Variants in DSE observed in about 807,000 individuals in gnomAD.
The protein encoded by DSE is dermatan sulfate epimerase.
In DSE, 36 loss-of-function variants were observed where a neutral mutation model predicts 84.4. That is an observed-to-expected ratio of 0.43 (90% CI 0.33 to 0.56). The LOEUF (loss-of-function observed/expected upper bound fraction) is 0.56, where lower values mean the gene tolerates loss of function less well. Ranked by LOEUF, DSE falls within the 20% of genes least tolerant of loss-of-function variation. DSE has a pLI of 0.06. For missense variants in DSE, 862 were observed against 1,169.6 expected (o/e 0.74, Z 3.84); for synonymous variants, 410 against 430.1 (o/e 0.95, Z 0.58).
chr6:116,278,949 C>T (rs765420700), intron 2 of DSE: 3 of 1,614,096 alleles, frequency 1.9e-6, no homozygotes, highest in South Asian at 2.2e-5. Context: ...CATCTTGGCC[C>T]CTAATCATGG....
intron 2 of DSE, among the ~76,000 whole-genome samples, chr6:116,339,955 T>C (rs1259932358): frequency 6.6e-6 from 1 of 152,216 alleles, no homozygotes; most frequent in African/African-American, 2.4e-5. Flanking sequence ...GGAATTTCTA[T>C]ATGCGAGTGT....
Position 116,273,691 on chromosome 6 carries a change from A to AC in DSE, c.-54+14730dup, listed in dbSNP as rs1250072415. 2.0e-5 allele frequency among the ~76,000 whole-genome samples: 3 copies of AC among 152,116 alleles called. No homozygotes were observed. In the South Asian group the frequency reaches 6.2e-4, roughly 32 times the overall value. On this transcript the variant is annotated intron_variant, in intron 2 of 3. Transcript: ENST00000430252. ...AAAAAGGAAACATTCAAGGAACGGT[A>AC]CCCCCCTCAATGAGCCTGAGTTCCT...
At chr6:116,393,220 ATTCTT>A (rs1781026210) in intron 1 of DSE, among the ~76,000 whole-genome samples, 1 of 152,218 alleles carries the variant, frequency 6.6e-6, no homozygotes. Flanking sequence ...TTAATCTATT[ATTCTT>A]TTCTTTGGGG....
intron 2 of DSE, chr6:116,423,284 A>G (rs1051604299): frequency 1.3e-5 from 2 of 152,232 alleles, no homozygotes; most frequent in African/African-American, 2.4e-5. Flanking sequence ...TTACTGTAAA[A>G]AATTGCTGTC....
At chr6:116,269,206 C>T (rs1772768848) in intron 2 of DSE, among the ~76,000 whole-genome samples, 1 of 152,062 alleles carries the variant, frequency 6.6e-6, no homozygotes, top group African/African-American at 2.4e-5. Flanking sequence ...TTAATTTAGG[C>T]AAGTCACTTC....
At chr6:116,380,992 C>G (rs1310357850) in intron 1 of DSE, among the ~76,000 whole-genome samples, 2 of 152,212 alleles carry the variant, frequency 1.3e-5, no homozygotes, top group African/African-American at 4.8e-5. Flanking sequence ...TTCAGTTGTA[C>G]TTTGTCATTC....
At chr6:116,407,818 A>AT (rs1353065855) in intron 2 of DSE, among the ~76,000 whole-genome samples, 11 of 152,140 alleles carry the variant, frequency 7.2e-5, no homozygotes, top group Admixed American at 6.5e-4. Context: ...GATTTTTTAC[A>AT]TTTTTTTCTA....
intron 2 of DSE, among the ~76,000 whole-genome samples, chr6:116,263,895 A>T (rs4946148): frequency 0.28 from 42,685 of 151,836 alleles, 7,188 homozygotes; most frequent in East Asian, 0.67. Context: ...TGGGTGGAAA[A>T]TTCTTTTAAG....
At chr6:116,385,076 G>A (rs187959168) in intron 1 of DSE, among the ~76,000 whole-genome samples, 35 of 152,256 alleles carry the variant, frequency 2.3e-4, no homozygotes, top group Middle Eastern at 3.4e-3. Context: ...TAGGCATTTG[G>A]GGCAGAGGGA....
chr6:116,313,459 G>A (rs141998805), intron 2 of DSE, among the ~76,000 whole-genome samples: 58 of 152,270 alleles, frequency 3.8e-4, no homozygotes, highest in African/African-American at 1.3e-3. Flanking sequence ...TGGAACATTT[G>A]GTAAATTTGA....
intron 1 of DSE, among the ~76,000 whole-genome samples, chr6:116,396,656 A>G (rs761905547): frequency 6.6e-5 from 10 of 152,238 alleles, no homozygotes; most frequent in African/African-American, 2.4e-4. Context: ...ATGAGGTTCT[A>G]TGCTTCAGGA....
chr6:116,413,904 C>T (rs767011153), intron 2 of DSE, among the ~76,000 whole-genome samples: 3 of 152,084 alleles, frequency 2.0e-5, no homozygotes, highest in Non-Finnish European at 2.9e-5. Flanking sequence ...GAAAAAGTGT[C>T]CCTCATTATT....
intron 2 of DSE, among the ~76,000 whole-genome samples, chr6:116,260,417 T>G (rs1772362398): frequency 6.6e-6 from 1 of 152,238 alleles, no homozygotes; most frequent in African/African-American, 2.4e-5. Flanking sequence ...AAAAATTTTC[T>G]CCCATTCTGT....
chr6:116,414,067 G>C (rs922795647), intron 2 of DSE, among the ~76,000 whole-genome samples: 2 of 152,152 alleles, frequency 1.3e-5, no homozygotes, highest in Non-Finnish European at 2.9e-5. Flanking sequence ...AGCAATGGCC[G>C]GTCAGGTTTT....
chr6:116,351,714 GA>G (rs1778320518), intron 2 of DSE, among the ~76,000 whole-genome samples: 1 of 152,156 alleles, frequency 6.6e-6, no homozygotes, highest in African/African-American at 2.4e-5. Context: ...AGTGATTTTA[GA>G]AACTCAACTT....
rs995677896 is a variant in DSE at position 116,347,020 on chromosome 6, A to G, written c.-53-52178A>G. 3.3e-5 allele frequency among the ~76,000 whole-genome samples: 5 copies of G among 152,342 alleles called. No individual in the cohort carries two copies. The South Asian group carries it at 8.3e-4, about 25-fold the overall frequency. Reference sequence around the variant, plus strand: ...AATCATGAGTGAACTCCCATTCACAATTGCTTCAAAGAGAATAAAATACCT... The same window carrying G: ...AATCATGAGTGAACTCCCATTCACAGTTGCTTCAAAGAGAATAAAATACCT... On this transcript the variant is annotated intron_variant, in intron 2 of 3. Transcript: ENST00000430252.
At chr6:116,414,501 C>T (rs1782575406) in intron 2 of DSE, among the ~76,000 whole-genome samples, 1 of 152,208 alleles carries the variant, frequency 6.6e-6, no homozygotes, top group East Asian at 1.9e-4. Flanking sequence ...CAACCTCCAC[C>T]TCCTGGGTTC....
chr6:116,406,605 A>G (rs1210871562), intron 2 of DSE, among the ~76,000 whole-genome samples: 1 of 152,248 alleles, frequency 6.6e-6, no homozygotes, highest in East Asian at 1.9e-4. Context: ...CATGCTAATG[A>G]TAACTTGAGA....
intron 2 of DSE, among the ~76,000 whole-genome samples, chr6:116,360,174 A>C (rs188387763): frequency 2.0e-4 from 30 of 152,260 alleles, no homozygotes; most frequent in African/African-American, 6.0e-4. Flanking sequence ...GGAGGAGAAC[A>C]ACACACACTG....
Sources: gnomAD v4.1 joint callset for allele counts (sites outside exome capture counted in the v4.1 genomes callset) on GRCh38, gnomAD v4.1.1 for gene constraint, MANE v1.5 for transcripts, NCBI Gene and HGNC (gene_info 2026-07-23, HGNC 2026-07-21) for gene names.